Variants in MYH16 observed in about 807,000 individuals in gnomAD.
MYH16 encodes the protein myosin heavy chain 16.
chr7:99,264,398 G>A (rs1377011361), intron 15 of MYH16: 1 of 152,610 alleles, frequency 6.6e-6, no homozygotes, highest in Non-Finnish European at 1.5e-5. Context: ...TCATTTTTCT[G>A]TCTATGATCG....
chr7:99,293,997 C>T, intron 32 of MYH16, 21 bp from the exon 14 acceptor site: 3 of 441,124 alleles, frequency 6.8e-6, no homozygotes, highest in Non-Finnish European at 1.4e-5. Flanking sequence ...CCTTGACAGC[C>T]CCTCTGGCCC....
At chr7:99,263,585 G>C (rs974699676) in intron 14 of MYH16, 3 of 152,414 alleles carry the variant, frequency 2.0e-5, no homozygotes, top group African/African-American at 4.8e-5. Context: ...GTAAGTGAGT[G>C]AACCGATGGA....
At chr7:99,262,287 T>C (rs956542458) in intron 13 of MYH16, among the ~76,000 whole-genome samples, 4 of 152,194 alleles carry the variant, frequency 2.6e-5, no homozygotes, top group Admixed American at 2.6e-4. Flanking sequence ...TTGACTGCCA[T>C]GAAACAGCAG....
chr7:99,248,177 C>G (rs1791756416), intron 3 of MYH16, among the ~76,000 whole-genome samples: 2 of 152,168 alleles, frequency 1.3e-5, no homozygotes, highest in Non-Finnish European at 2.9e-5. Flanking sequence ...CAATAGCTCA[C>G]TGCAACCTCC....
chr7:99,297,822 G>C (rs762748827), intron 35 of MYH16, 26 bp downstream of exon 16: 1 of 456,718 alleles, frequency 2.2e-6, no homozygotes, highest in Non-Finnish European at 4.4e-6. Context: ...TCACCTTGGG[G>C]ACTGTGGACC....
At chr7:99,246,649 C>A (rs544496944) in intron 2 of MYH16, among the ~76,000 whole-genome samples, 1 of 152,142 alleles carries the variant, frequency 6.6e-6, no homozygotes, top group East Asian at 1.9e-4. Flanking sequence ...TTGCAGTGAA[C>A]CCAGATGGCA....
At chr7:99,272,578 CA>C (rs566646437) in intron 19 of MYH16, among the ~76,000 whole-genome samples, 1 of 149,434 alleles carries the variant, frequency 6.7e-6, no homozygotes, top group East Asian at 2.0e-4. Context: ...CCCATCTCTA[CA>C]AAAAAAAACA....
intron 36 of MYH16, 125 bp downstream of exon 17, chr7:99,298,120 A>G (rs1363582126): frequency 5.3e-6 from 2 of 379,348 alleles, no homozygotes; most frequent in East Asian, 1.5e-4. Flanking sequence ...CTTGCTGAAC[A>G]TGTTTCCTCA....
At position 99,274,269 on chromosome 7, in the gene MYH16, A is replaced by G. The variant is rs534659498; in HGVS notation, n.2485+846A>G. Among the ~76,000 whole-genome samples the G allele has an allele frequency of 2.0e-5, 3 of 152,326 alleles. No homozygotes were observed. The East Asian group carries it at 5.8e-4, about 29-fold the overall frequency. On this transcript the variant is annotated intron_variant and non_coding_transcript_variant, in intron 20 of 41. Transcript: ENST00000439784. The stretch of plus-strand genomic sequence containing the variant: ...AGCCATGGCACTGCACATGGGTCCA[A>G]TCATGCCTGTGCTGGGGCCACCATT...
intron 2 of MYH16, among the ~76,000 whole-genome samples, chr7:99,247,349 C>A (rs4320484): frequency 0.95 from 144,218 of 152,298 alleles, 68,342 homozygotes; most frequent in Middle Eastern, 0.99. Flanking sequence ...ATTGTTTCGT[C>A]CTTTTGGTAG....
chr7:99,249,442 G>T (rs893395209), intron 4 of MYH16, among the ~76,000 whole-genome samples: 3 of 150,922 alleles, frequency 2.0e-5, no homozygotes, highest in Admixed American at 6.6e-5. Flanking sequence ...AGGAGGCTGA[G>T]GCAGGAAGAT....
chr7:99,247,352 T>A (rs1791745947), intron 2 of MYH16, among the ~76,000 whole-genome samples: 1 of 152,162 alleles, frequency 6.6e-6, no homozygotes, highest in South Asian at 2.1e-4. Context: ...GTTTCGTCCT[T>A]TTGGTAGAGA....
At chr7:99,293,242 G>T (rs1373296794) in intron 32 of MYH16, among the ~76,000 whole-genome samples, 2 of 152,152 alleles carry the variant, frequency 1.3e-5, no homozygotes, top group African/African-American at 4.8e-5. Context: ...GCCAAATTAG[G>T]CATAGAAAAT....
intron 27 of MYH16, among the ~76,000 whole-genome samples, chr7:99,286,074 C>G (rs1792273195): frequency 6.6e-6 from 1 of 152,208 alleles, no homozygotes; most frequent in African/African-American, 2.4e-5. Context: ...AAGCAGTCAT[C>G]ATGCTCTTTA....
rs1343280990 is a variant in MYH16 at position 99,288,463 on chromosome 7, T to C, written n.3706+326T>C. ...TAAAATAAAATAAAATAAAATAAAA[T>C]AACCTGCTGGGCACAGTGGCTTACG... On this transcript the variant is annotated intron_variant and non_coding_transcript_variant, in intron 29 of 41. Transcript: ENST00000439784. Among the ~76,000 whole-genome samples the C allele has an allele frequency of 1.2e-4, 17 of 138,422 alleles. No homozygotes were observed. In the Admixed American group the frequency reaches 1.2e-3, roughly 10 times the overall value. 90.8% of individuals were successfully genotyped at this position (138,422 alleles called of 152,430 possible).
At chr7:99,277,481 G>A (rs945469264) in intron 20 of MYH16, 58 bp from the exon 3 acceptor site, 12 of 425,776 alleles carry the variant, frequency 2.8e-5, no homozygotes, top group Admixed American at 1.2e-4. Context: ...ACAGCCCTCC[G>A]TCTACCCCCC....
intron 12 of MYH16, chr7:99,260,455 G>T (rs1388069523): frequency 4.0e-6 from 2 of 505,028 alleles, no homozygotes; most frequent in South Asian, 2.0e-5. Flanking sequence ...GACCTTCCTT[G>T]GTATGACCTC....
At chr7:99,274,265 T>A (rs1425754549) in intron 20 of MYH16, among the ~76,000 whole-genome samples, 1 of 152,100 alleles carries the variant, frequency 6.6e-6, no homozygotes, top group African/African-American at 2.4e-5. Context: ...TGCACATGGG[T>A]CCAATCATGC....
At chr7:99,286,047 C>T (rs565773950) in intron 27 of MYH16, among the ~76,000 whole-genome samples, 1 of 152,250 alleles carries the variant, frequency 6.6e-6, no homozygotes, top group Admixed American at 6.5e-5. Flanking sequence ...GCATAGAATC[C>T]TGGCTTCTCA....
Sources: allele counts gnomAD v4.1 joint callset (sites outside exome capture counted in the v4.1 genomes callset), GRCh38; gene constraint gnomAD v4.1.1; transcripts MANE v1.5; gene names NCBI Gene and HGNC (gene_info 2026-07-23, HGNC 2026-07-21).